Variants in CSMD3 observed in about 807,000 individuals in gnomAD.
The protein encoded by CSMD3 is CUB and Sushi multiple domains 3.
In CSMD3, 177 loss-of-function variants were observed where a neutral mutation model predicts 435.2. That is an observed-to-expected ratio of 0.41 (90% CI 0.36 to 0.46). The LOEUF is 0.46. Ranked by LOEUF, CSMD3 falls within the 20% of genes least tolerant of loss-of-function variation. The probability of loss-of-function intolerance (pLI) is 0.34; values close to 1 mark genes in which losing one functional copy is unlikely to be tolerated. For synonymous variants in CSMD3, 1,656 were observed against 1,520.5 expected (o/e 1.09, Z -2.07); for missense variants, 4,265 against 4,504.6 (o/e 0.95, Z 1.52).
At chr8:112,817,288 G>A (rs1015153996) in intron 12 of CSMD3, among the ~76,000 whole-genome samples, 1 of 151,974 alleles carries the variant, frequency 6.6e-6, no homozygotes, top group Non-Finnish European at 1.5e-5. Flanking sequence ...AGATGAAAAG[G>A]GTAGACTAAT....
intron 13 of CSMD3, among the ~76,000 whole-genome samples, chr8:112,695,494 C>T (rs1198750887): frequency 6.6e-6 from 1 of 152,136 alleles, no homozygotes; most frequent in Non-Finnish European, 1.5e-5. Flanking sequence ...ATGATTATCT[C>T]AATAGATGCA....
intron 32 of CSMD3, among the ~76,000 whole-genome samples, chr8:112,425,747 A>C (rs1812998905): frequency 6.6e-6 from 1 of 152,226 alleles, no homozygotes; most frequent in African/African-American, 2.4e-5. Context: ...CAAATGAATT[A>C]ATAATACTGG....
chr8:112,402,349 G>A (rs979128838), intron 35 of CSMD3, among the ~76,000 whole-genome samples: 2 of 152,166 alleles, frequency 1.3e-5, no homozygotes, highest in African/African-American at 2.4e-5. Context: ...AACCTTTCAC[G>A]TTAATTAGCA....
chr8:113,130,175 A>G (rs891452325), intron 4 of CSMD3, among the ~76,000 whole-genome samples: 1 of 152,070 alleles, frequency 6.6e-6, no homozygotes, highest in Non-Finnish European at 1.5e-5. Flanking sequence ...AAATTTGCAC[A>G]TAATAGTGAC....
intron 3 of CSMD3, among the ~76,000 whole-genome samples, chr8:113,185,399 A>G (rs539481409): frequency 2.4e-4 from 37 of 152,122 alleles, no homozygotes; most frequent in Admixed American, 1.7e-3. Flanking sequence ...TTTGGCAATA[A>G]TCACATAGTC....
chr8:113,102,413 A>C (rs1480477186), intron 4 of CSMD3, among the ~76,000 whole-genome samples: 1 of 152,156 alleles, frequency 6.6e-6, no homozygotes, highest in East Asian at 1.9e-4. Flanking sequence ...AAACCATGTA[A>C]TCTCTCTGAC....
chr8:112,410,602 G>GTGTATATATA (rs1563912767), intron 32 of CSMD3, among the ~76,000 whole-genome samples: 22 of 80,522 alleles, frequency 2.7e-4, no homozygotes, highest in South Asian at 1.6e-3. Flanking sequence ...ATATATATAT[G>GTGTATATATA]TGTATATATA....
chr8:113,376,890 C>A, intron 1 of CSMD3: 1 of 1,605,224 alleles, frequency 6.2e-7, no homozygotes, highest in Non-Finnish European at 8.5e-7. Context: ...AGCTTCCTGG[C>A]CGGGAAAACA....
At chr8:113,127,206 T>C (rs556131624) in intron 4 of CSMD3, among the ~76,000 whole-genome samples, 3 of 152,058 alleles carry the variant, frequency 2.0e-5, no homozygotes, top group Admixed American at 1.3e-4. Flanking sequence ...GAAAGGAGAT[T>C]GCGAATGAAG....
intron 24 of CSMD3, among the ~76,000 whole-genome samples, chr8:112,563,377 T>C (rs1828803905): frequency 6.6e-6 from 1 of 151,840 alleles, no homozygotes; most frequent in South Asian, 2.1e-4. Context: ...GCATTTCCAA[T>C]TGCTTTCAGG....
chr8:112,406,659 T>C lies in CSMD3; in HGVS notation c.5674A>G (p.Asn1892Asp), dbSNP rs1831887783. 6.2e-7 allele frequency: 1 copy of C among 1,612,520 alleles called. No individual in the cohort carries two copies. Among genetic ancestry groups the C allele is most frequent in the Non-Finnish European group, 8.5e-7 (1 of 1,178,858 alleles). Residue 1892 changes from asparagine (N) to aspartate (D), a missense_variant, in exon 35 of 71, where the codon AAT (asparagine) becomes GAT (aspartate). This residue lies in a region of CSMD3 where 3,255 missense variants were observed against 3,380.2 expected (regional missense o/e 0.96). Transcript: ENST00000297405. ...ACCGATGAACCGACTGCAAATTCATTGCCAATTCTTCTTCCGAATCTTGGT... is the reference window on the plus strand; with the variant it reads ...ACCGATGAACCGACTGCAAATTCATCGCCAATTCTTCTTCCGAATCTTGGT... ...PEPRFGRRIG[N>D]EFAVGSSVLF...
intron 1 of CSMD3, among the ~76,000 whole-genome samples, chr8:113,387,352 G>C (rs1202812638): frequency 6.6e-6 from 1 of 151,718 alleles, no homozygotes; most frequent in East Asian, 1.9e-4. Context: ...TACGAATACA[G>C]CAGTAATTCT....
chr8:112,331,498 G>GT (rs1318672082), intron 45 of CSMD3, among the ~76,000 whole-genome samples: 25 of 151,938 alleles, frequency 1.6e-4, no homozygotes, highest in Admixed American at 1.6e-3. Flanking sequence ...CGAAGGTGAT[G>GT]TTTTATAAAA....
chr8:112,668,616 A>G (rs1057154161), intron 16 of CSMD3, among the ~76,000 whole-genome samples: 3 of 152,104 alleles, frequency 2.0e-5, no homozygotes, highest in Non-Finnish European at 4.4e-5. Flanking sequence ...GTTTCCTAAA[A>G]TGACTCTCTG....
At chr8:112,711,079 T>G (rs1382137514) in intron 13 of CSMD3, among the ~76,000 whole-genome samples, 5 of 152,010 alleles carry the variant, frequency 3.3e-5, no homozygotes, top group Admixed American at 3.3e-4. Flanking sequence ...ATTTCTTATT[T>G]TATAGTAGAG....
chr8:112,563,511 TAGTA>T (rs1828817030), intron 24 of CSMD3, among the ~76,000 whole-genome samples: 2 of 151,898 alleles, frequency 1.3e-5, no homozygotes, highest in South Asian at 4.1e-4. Context: ...AGACATAATC[TAGTA>T]AGTAATATTA....
chr8:112,898,788 AATTATAAGATGATC>A (rs1260933241), intron 10 of CSMD3, among the ~76,000 whole-genome samples: 1 of 151,254 alleles, frequency 6.6e-6, no homozygotes, highest in Non-Finnish European at 1.5e-5. Context: ...TCACACATAA[AATTATAAGATGATC>A]ATTATAAGAA....
intron 1 of CSMD3, among the ~76,000 whole-genome samples, chr8:113,328,379 A>G (rs1339128346): frequency 6.8e-6 from 1 of 146,964 alleles, no homozygotes; most frequent in African/African-American, 2.5e-5. Context: ...CGGAGCTTGC[A>G]GTGAGCCGAG....
chr8:113,294,686 A>G (rs942357449), intron 2 of CSMD3, among the ~76,000 whole-genome samples: 1 of 152,140 alleles, frequency 6.6e-6, no homozygotes, highest in Non-Finnish European at 1.5e-5. Context: ...TTGCTTATTA[A>G]TAGAAATAGG....
Sources: gnomAD v4.1 joint callset for allele counts (sites outside exome capture counted in the v4.1 genomes callset) on GRCh38, gnomAD v4.1.1 for gene constraint, gnomAD v4.1.1 regional missense constraint, MANE v1.5 for transcripts, NCBI Gene and HGNC (gene_info 2026-07-23, HGNC 2026-07-21) for gene names.